Variants in LCN1 observed in about 807,000 individuals in gnomAD.
LCN1 encodes lipocalin 1, also known as lipocalin-1.
LCN1 carries 25 observed loss-of-function variants against 22.3 expected under a neutral mutation model. That is an observed-to-expected ratio of 1.12 (90% CI 0.82 to 1.56). LCN1 has a LOEUF of 1.56. Ranked by LOEUF, LCN1 falls within the 40% of genes most tolerant of loss-of-function variation. The probability of loss-of-function intolerance (pLI) is 0.00; values close to 1 mark genes in which losing one functional copy is unlikely to be tolerated. For missense variants in LCN1, 219 were observed against 235.6 expected (o/e 0.93, Z 0.46); for synonymous variants, 85 against 97.6 (o/e 0.87, Z 0.76).
intron 3 of LCN1, 38 bp from the exon 4 acceptor site, chr9:135,523,842 G>A (rs1831560138): frequency 1.9e-6 from 3 of 1,561,564 alleles, no homozygotes; most frequent in Admixed American, 1.7e-5. Context: ...TGAAGTCCCT[G>A]GTGGCTAATT....
chr9:135,526,175 C>T (rs1359525175), intron 6 of LCN1, among the ~76,000 whole-genome samples, 169 bp from the exon 7 acceptor site: 14 of 115,524 alleles, frequency 1.2e-4, no homozygotes, highest in Non-Finnish European at 2.0e-4. Flanking sequence ...CTGCATGTGC[C>T]CTCCACATCA....
Position 135,521,443 on chromosome 9 carries a change from C to T in LCN1, c.-55C>T. 6.7e-7 allele frequency: 1 copy of T among 1,490,926 alleles called. No individual in the cohort carries two copies. Among genetic ancestry groups the T allele is most frequent in the Non-Finnish European group, 9.3e-7 (1 of 1,074,666 alleles). The allele number at this position is 1,490,926 out of a possible 1,614,324, so 92.4% of individuals were successfully genotyped here. ...GCGGCTGTGGGAGGACTGGTACAGCCTCTCCCAGCCCCAGCAAGCGACCTG... is the reference window on the plus strand; with the variant it reads ...GCGGCTGTGGGAGGACTGGTACAGCTTCTCCCAGCCCCAGCAAGCGACCTG... On this transcript the variant is annotated 5_prime_UTR_variant, in exon 1 of 7. Coordinates refer to ENST00000371781, the MANE Select transcript of LCN1 (RefSeq NM_002297.4).
At chr9:135,525,347 C>T (rs970044707) in intron 6 of LCN1, among the ~76,000 whole-genome samples, 189 bp downstream of exon 6, 1 of 152,156 alleles carries the variant, frequency 6.6e-6, no homozygotes, top group East Asian at 1.9e-4. Context: ...CGTTCTTGCC[C>T]TGGGTGTGAC....
intron 2 of LCN1, among the ~76,000 whole-genome samples, chr9:135,522,595 A>G (rs1378177341): frequency 6.6e-6 from 1 of 151,950 alleles, no homozygotes; most frequent in Non-Finnish European, 1.5e-5. Context: ...CATGGAGAAG[A>G]CCCCCTTGAA....
intron 2 of LCN1, among the ~76,000 whole-genome samples, chr9:135,523,016 G>T (rs111836055): frequency 6.6e-6 from 1 of 152,200 alleles, no homozygotes; most frequent in Non-Finnish European, 1.5e-5. Flanking sequence ...AGGAGGAGCG[G>T]TGCAGAGCTC....
rs1236625183 is a variant in LCN1 at position 135,523,891 on chromosome 9, C to A, written c.304C>A (p.His102Asn). Residue 102 changes from histidine to asparagine, a missense_variant, in exon 4 of 7, where the codon CAC (histidine) becomes AAC (asparagine). Coordinates refer to ENST00000371781, the MANE Select transcript of LCN1 (RefSeq NM_002297.4). ...CTGTCTTTCTGCAGACGGGGGCAAG[C>A]ACGTGGCATACATCATCAGGTCGCA... The part of the protein sequence containing the change: ...PGKYTADGGK[H>N]VAYIIRSHVK... The A allele has an allele frequency of 1.2e-6, 2 of 1,613,990 alleles. No homozygotes were observed. Among genetic ancestry groups the A allele is most frequent in the Non-Finnish European group, 1.7e-6 (2 of 1,179,892 alleles).
At chr9:135,524,097 AC>A in intron 4 of LCN1, 107 bp downstream of exon 4, 1 of 801,412 alleles carries the variant, frequency 1.2e-6, no homozygotes, top group Non-Finnish European at 2.1e-6. Flanking sequence ...GGACCCAGGA[AC>A]CCACTGCAGT....
In LCN1 at chr9:135,523,111, C is replaced by T. The variant is rs1831539662; in HGVS notation, c.222-121C>T. On this transcript the variant is annotated intron_variant, in intron 2 of 6. Coordinates refer to ENST00000371781, the MANE Select transcript of LCN1 (RefSeq NM_002297.4). ...CTGGGTCTGAGATGCAGAGAAGCAC[C>T]CTCCTCCATGGGCCTGTGGCAGACT... The T allele has an allele frequency of 2.4e-5, 21 of 867,508 alleles. No individual in the cohort carries two copies. The South Asian group carries it at 3.8e-4, about 16-fold the overall frequency. 53.7% of individuals were successfully genotyped at this position (867,508 alleles called of 1,614,324 possible). A position where few individuals can be genotyped will look rare whatever the true frequency, so the allele number is the denominator to read the frequency against.
intron 3 of LCN1, 21 bp from the exon 4 acceptor site, chr9:135,523,859 T>C (rs770975457): frequency 1.1e-5 from 18 of 1,605,436 alleles, no homozygotes; most frequent in Admixed American, 3.3e-5. Flanking sequence ...AATTCAGGAA[T>C]GTGCTGCTGT....
At chr9:135,521,712 C>T in intron 1 of LCN1, 125 bp downstream of exon 1, 1 of 724,526 alleles carries the variant, frequency 1.4e-6, no homozygotes, top group Non-Finnish European at 2.1e-6. Context: ...AAGCCCTGCC[C>T]TGAGGGAATG....
intron 4 of LCN1, 91 bp from the exon 5 acceptor site, chr9:135,524,739 T>TCCC: frequency 2.0e-6 from 2 of 1,009,312 alleles, no homozygotes; most frequent in Non-Finnish European, 2.9e-6. Context: ...GAGGTCCCCT[T>TCCC]CCCCAGCCCA....
In LCN1 at chr9:135,523,820, C is replaced by T. The variant is rs567609335; in HGVS notation, c.293-60C>T. 112 of 1,442,938 alleles carry T rather than the reference C, an allele frequency of 7.8e-5. No individual in the cohort carries two copies. The South Asian group carries it at 1.0e-3, about 13-fold the overall frequency. The allele number at this position is 1,442,938 out of a possible 1,614,324, so 89.4% of individuals were successfully genotyped here. A position where few individuals can be genotyped will look rare whatever the true frequency, so the allele number is the denominator to read the frequency against. ...CTGGGCCTGGCAACGCACGCTGTCC[C>T]GGGATCCTCTCTGAAGTCCCTGGTG... On this transcript the variant is annotated intron_variant, in intron 3 of 6. Coordinates refer to ENST00000371781, the MANE Select transcript of LCN1 (RefSeq NM_002297.4).
At chr9:135,523,034 T>C (rs994002523) in intron 2 of LCN1, among the ~76,000 whole-genome samples, 198 bp from the exon 3 acceptor site, 19 of 152,098 alleles carry the variant, frequency 1.2e-4, no homozygotes, top group African/African-American at 4.1e-4. Context: ...CTCCTGGCCA[T>C]CTCGGGAGAC....
intron 4 of LCN1, 119 bp from the exon 5 acceptor site, chr9:135,524,711 A>T: frequency 1.3e-6 from 1 of 755,972 alleles, no homozygotes; most frequent in Non-Finnish European, 2.1e-6. Context: ...TCTGGGTTCA[A>T]TTCCCCCCAC....
chr9:135,523,973 G>T lies in LCN1; in HGVS notation c.386G>T (p.Arg129Leu). The stretch of plus-strand genomic sequence containing the variant: ...GGCGAGCTGCACGGGAAGCCGGTCC[G>T]AGGGGTGAAGCTCGTGGGTGGGTCC... ...CEGELHGKPV[R>L]GVKLVGRDPK... Residue 129 changes from arginine to leucine, a missense_variant, in exon 4 of 7, where the codon CGA (arginine) becomes CTA (leucine). Transcript: ENST00000371781. 6.2e-7 allele frequency: 1 copy of T among 1,613,940 alleles called. No individual in the cohort carries two copies. Among genetic ancestry groups the T allele is most frequent in the Non-Finnish European group, 8.5e-7 (1 of 1,179,894 alleles).
At position 135,524,836 on chromosome 9, in the gene LCN1, A is replaced by G; in HGVS notation, c.410A>G (p.Asp137Gly). The change falls in exon 5 of 7, where the codon GAC (aspartate) becomes GGC (glycine). Residue 137 changes from aspartate (D) to glycine (G), a missense_variant. Coordinates refer to ENST00000371781, the MANE Select transcript of LCN1 (RefSeq NM_002297.4). ...CTCGTCCTGGCACCCACAGGCAGAG[A>G]CCCCAAGAACAACCTGGAAGCCTTG... ...PVRGVKLVGR[D>G]PKNNLEALED... The G allele has an allele frequency of 6.2e-7, 1 of 1,602,596 alleles. No homozygotes were observed.
At chr9:135,523,071 A>G (rs990831447) in intron 2 of LCN1, among the ~76,000 whole-genome samples, 161 bp from the exon 3 acceptor site, 2 of 152,116 alleles carry the variant, frequency 1.3e-5, no homozygotes, top group Admixed American at 1.3e-4. Context: ...TGGGACCCGG[A>G]GGGGCCGCTG....
chr9:135,523,881 C>T lies in LCN1; in HGVS notation c.294C>T (p.Asp98=), dbSNP rs377067577. The change falls in exon 4 of 7, where the codon GAC becomes GAT. Residue 98 remains aspartate, a splice_region_variant and synonymous_variant. Coordinates refer to ENST00000371781, the MANE Select transcript of LCN1 (RefSeq NM_002297.4). The part of the protein sequence containing the change: ...KTDEPGKYTA[D]GGKHVAYIIR... Reference sequence around the variant, plus strand: ...GAATGTGCTGCTGTCTTTCTGCAGACGGGGGCAAGCACGTGGCATACATCA... The same window carrying T: ...GAATGTGCTGCTGTCTTTCTGCAGATGGGGGCAAGCACGTGGCATACATCA... 74 of 1,613,404 alleles carry T rather than the reference C, an allele frequency of 4.6e-5. No homozygotes were observed. The highest frequency in any genetic ancestry group is 5.9e-5 in the Non-Finnish European group (70 of 1,179,536).
At position 135,526,408 on chromosome 9, in the gene LCN1, C is replaced by A. The variant is rs1724451984; in HGVS notation, c.*66C>A. 7.8e-7 allele frequency: 1 copy of A among 1,285,596 alleles called. No individual in the cohort carries two copies. The highest frequency in any genetic ancestry group is 1.5e-5 in the African/African-American group (1 of 64,772). The allele number at this position is 1,285,596 out of a possible 1,614,324, so 79.6% of individuals were successfully genotyped here. A position where few individuals can be genotyped will look rare whatever the true frequency, so the allele number is the denominator to read the frequency against. On this transcript the variant is annotated 3_prime_UTR_variant, in exon 7 of 7. Transcript: ENST00000371781. ...CACCATCCAGCACCTCCGTCATTCA[C>A]AGGGACATGGAAAAAGCTCCCCACC... is the stretch of plus-strand genomic sequence containing the variant.
Sources: allele counts gnomAD v4.1 joint callset (sites outside exome capture counted in the v4.1 genomes callset), GRCh38; gene constraint gnomAD v4.1.1; transcripts MANE v1.5; gene names NCBI Gene and HGNC (gene_info 2026-07-23, HGNC 2026-07-21).